The following SGCD variants were observed in gnomAD, a reference collection of about 807,000 sequenced individuals.
The protein encoded by SGCD is sarcoglycan delta.
SGCD carries 18 observed loss-of-function variants against 36.6 expected under a neutral mutation model. The ratio of observed to expected loss-of-function variants is 0.49; its 90% CI spans 0.34 to 0.73. The LOEUF (loss-of-function observed/expected upper bound fraction) is 0.73, where lower values mean the gene tolerates loss of function less well. SGCD is among the 30% of genes least tolerant of loss of function. SGCD has a pLI of 0.01. For synonymous variants in SGCD, 133 were observed against 130.6 expected, an observed-to-expected ratio of 1.02 and a Z score of -0.12; for missense variants, 387 against 346.7, an observed-to-expected ratio of 1.12 and a Z score of -0.92.
At chr5:156,033,384 C>T (rs1375254577) in intron 1 of SGCD, among the ~76,000 whole-genome samples, 3 of 152,162 alleles carry the variant, frequency 2.0e-5, no homozygotes, top group Non-Finnish European at 2.9e-5. Context: ...CCCTCACCCT[C>T]CTCCCACCCT....
chr5:156,333,986 C>T (rs898190491), intron 2 of SGCD, among the ~76,000 whole-genome samples: 14 of 151,248 alleles, frequency 9.3e-5, no homozygotes, highest in Admixed American at 1.3e-4. Flanking sequence ...TACTCTGTGA[C>T]GTTGATTAAG....
intron 7 of SGCD, among the ~76,000 whole-genome samples, chr5:156,753,469 G>A (rs147420660): frequency 8.5e-5 from 13 of 152,312 alleles, no homozygotes; most frequent in African/African-American, 2.6e-4. Flanking sequence ...AGAGGTTGAC[G>A]GACATCACTT....
the SGCD span, among the ~76,000 whole-genome samples, chr5:155,738,373 G>T: frequency 2.0e-5 from 3 of 152,114 alleles, no homozygotes; most frequent in African/African-American, 7.2e-5. Flanking sequence ...GGTGTCTTCT[G>T]CATCCTCCCA....
At chr5:155,956,934 CA>C (rs1214324855) in intron 1 of SGCD, among the ~76,000 whole-genome samples, 1 of 151,938 alleles carries the variant, frequency 6.6e-6, no homozygotes, top group Non-Finnish European at 1.5e-5. Context: ...TTTGGGGCTA[CA>C]ATTCAACCCA....
intron 1 of SGCD, among the ~76,000 whole-genome samples, chr5:155,915,996 G>GA (rs1289403006): frequency 1.3e-5 from 2 of 152,116 alleles, no homozygotes; most frequent in Non-Finnish European, 2.9e-5. Flanking sequence ...ATATGTAGGA[G>GA]AAAAATACTT....
At chr5:156,612,414 G>C (rs280458) in intron 6 of SGCD, among the ~76,000 whole-genome samples, 1 of 152,086 alleles carries the variant, frequency 6.6e-6, no homozygotes, top group African/African-American at 2.4e-5. Flanking sequence ...AAGTTTTGCC[G>C]AGAGCTGAAG....
At chr5:155,878,734 C>T (rs1473456307) in intron 1 of SGCD, among the ~76,000 whole-genome samples, 1 of 152,076 alleles carries the variant, frequency 6.6e-6, no homozygotes, top group Non-Finnish European at 1.5e-5. Context: ...TTGCCCAGAA[C>T]TCAGATTTTG....
chr5:156,135,592 T>G (rs915765191), intron 3 of SGCD, among the ~76,000 whole-genome samples: 1 of 151,664 alleles, frequency 6.6e-6, no homozygotes, highest in Non-Finnish European at 1.5e-5. Context: ...ACTTTTTCCT[T>G]GTCTCCTATG....
intron 7 of SGCD, among the ~76,000 whole-genome samples, chr5:156,753,982 A>AAAAC (rs1165441961): frequency 6.6e-6 from 1 of 152,256 alleles, no homozygotes; most frequent in African/African-American, 2.4e-5. Context: ...GCTGGGCTGT[A>AAAAC]AAACAGAAAG....
chr5:156,507,233 A>G (rs1343671796), intron 3 of SGCD, among the ~76,000 whole-genome samples: 2 of 152,206 alleles, frequency 1.3e-5, no homozygotes, highest in African/African-American at 2.4e-5. Flanking sequence ...TGAAATCTCA[A>G]GGGTCCTTGA....
chr5:156,539,273 T>C (rs1331021067), intron 4 of SGCD, among the ~76,000 whole-genome samples: 2 of 151,964 alleles, frequency 1.3e-5, no homozygotes, highest in African/African-American at 4.8e-5. Context: ...ATTTTTATTA[T>C]TTCAATAGTT....
intron 4 of SGCD, among the ~76,000 whole-genome samples, chr5:156,513,875 A>G (rs1182531391): frequency 6.6e-6 from 1 of 152,240 alleles, no homozygotes; most frequent in Non-Finnish European, 1.5e-5. Flanking sequence ...TCTAAGTGGT[A>G]AAGTATCATG....
At chr5:156,628,385 T>G (rs1226004273) in intron 6 of SGCD, among the ~76,000 whole-genome samples, 1 of 152,216 alleles carries the variant, frequency 6.6e-6, no homozygotes, top group Non-Finnish European at 1.5e-5. Context: ...CTGAAATACC[T>G]TGAGAATTTA....
chr5:156,127,443 A>G (rs1042514063), intron 3 of SGCD, among the ~76,000 whole-genome samples: 6 of 152,052 alleles, frequency 3.9e-5, no homozygotes, highest in African/African-American at 1.4e-4. Flanking sequence ...TTTCTAAAAT[A>G]AAATAGAAAA....
chr5:156,500,744 T>A (rs559406106), intron 3 of SGCD, among the ~76,000 whole-genome samples: 1 of 152,310 alleles, frequency 6.6e-6, no homozygotes, highest in East Asian at 1.9e-4. Flanking sequence ...CATCAGTCTT[T>A]AGTATCCCTA....
intron 3 of SGCD, among the ~76,000 whole-genome samples, chr5:156,271,130 A>G (rs1041305237): frequency 1.3e-5 from 2 of 152,228 alleles, no homozygotes; most frequent in African/African-American, 4.8e-5. Flanking sequence ...GTAAACAACT[A>G]TTCTTAGGAA....
chr5:156,069,529 T>C (rs980441918), intron 1 of SGCD, among the ~76,000 whole-genome samples: 1 of 152,126 alleles, frequency 6.6e-6, no homozygotes, highest in Non-Finnish European at 1.5e-5. Context: ...TACTGTAGCC[T>C]TGTAGAATAG....
chr5:156,308,096 T>G (rs1469081821), intron 3 of SGCD, among the ~76,000 whole-genome samples: 1 of 152,208 alleles, frequency 6.6e-6, no homozygotes, highest in African/African-American at 2.4e-5. Flanking sequence ...TTTCTTTATA[T>G]GCTGTATTAG....
chr5:156,389,524 G>A (rs932899937), intron 3 of SGCD, among the ~76,000 whole-genome samples: 3 of 152,168 alleles, frequency 2.0e-5, no homozygotes, highest in African/African-American at 4.8e-5. Flanking sequence ...ACCAGGGATC[G>A]GTTTCATGGA....
Sources: allele counts gnomAD v4.1 joint callset (sites outside exome capture counted in the v4.1 genomes callset), GRCh38; gene constraint gnomAD v4.1.1; transcripts MANE v1.5; gene names NCBI Gene and HGNC (gene_info 2026-07-23, HGNC 2026-07-21).